The following ADAMTSL1 variants were observed in gnomAD, a reference collection of about 807,000 sequenced individuals.
ADAMTSL1 encodes ADAMTS-like protein 1.
In ADAMTSL1, 126 loss-of-function variants were observed where a neutral mutation model predicts 201.8. The ratio of observed to expected loss-of-function variants is 0.62; its 90% CI spans 0.54 to 0.72. The LOEUF is 0.72. Ranked by LOEUF, ADAMTSL1 falls within the 30% of genes least tolerant of loss-of-function variation. The pLI, the probability that ADAMTSL1 is intolerant of heterozygous loss-of-function variation, is 0.00. For missense variants in ADAMTSL1, 2,679 were observed against 2,277.8 expected (o/e 1.18, Z -3.59); for synonymous variants, 1,121 against 903.4 (o/e 1.24, Z -4.32).
chr9:18,801,182 T>C (rs1405185757), intron 20 of ADAMTSL1, among the ~76,000 whole-genome samples: 1 of 152,196 alleles, frequency 6.6e-6, no homozygotes, highest in Non-Finnish European at 1.5e-5. Flanking sequence ...CCTTCTCATC[T>C]TTTATGCAAG....
intron 3 of ADAMTSL1, among the ~76,000 whole-genome samples, chr9:18,564,244 G>A (rs1221260217): frequency 6.6e-6 from 1 of 152,182 alleles, no homozygotes; most frequent in Non-Finnish European, 1.5e-5. Flanking sequence ...GTGCCTCATG[G>A]CTTCCTTTGG....
chr9:18,667,629 G>T (rs943296394), intron 9 of ADAMTSL1, among the ~76,000 whole-genome samples: 6 of 152,142 alleles, frequency 3.9e-5, no homozygotes, highest in African/African-American at 1.4e-4. Context: ...GCTTAGCAGA[G>T]TACCTGACTC....
chr9:18,354,630 G>C (rs552045505), intron 2 of ADAMTSL1, among the ~76,000 whole-genome samples: 12 of 152,274 alleles, frequency 7.9e-5, no homozygotes, highest in African/African-American at 2.2e-4. Context: ...AGTGGTTAAA[G>C]GTGGGAGAGT....
chr9:17,980,501 G>C (rs1470068580), intron 1 of ADAMTSL1, among the ~76,000 whole-genome samples: 2 of 151,364 alleles, frequency 1.3e-5, no homozygotes, highest in East Asian at 3.9e-4. Flanking sequence ...ACTTCTACTT[G>C]ACTTCTTTTC....
At chr9:18,010,700 A>C (rs1159042664) in intron 1 of ADAMTSL1, among the ~76,000 whole-genome samples, 2 of 152,008 alleles carry the variant, frequency 1.3e-5, no homozygotes, top group African/African-American at 4.8e-5. Context: ...AGCTAAGCCA[A>C]ATAGGACATG....
intron 1 of ADAMTSL1, among the ~76,000 whole-genome samples, chr9:17,953,240 A>G (rs1168972336): frequency 1.3e-5 from 2 of 152,146 alleles, no homozygotes; most frequent in Admixed American, 6.5e-5. Flanking sequence ...CCTTAATTAA[A>G]CAAAAGCATG....
rs866994702 is a variant in ADAMTSL1, at chr9:18,875,879, C to G, written c.4250-11952C>G. On this transcript the variant is annotated intron_variant, in intron 23 of 28. Transcript: ENST00000380548. ...CCACAATTATTATGTTGCCATCTAT[C>G]TCATTACTTAAGTCTGGTAATGATT... 2.6e-5 allele frequency among the ~76,000 whole-genome samples: 4 copies of G among 152,268 alleles called. No individual in the cohort carries two copies. In the Middle Eastern group the frequency reaches 0.014, roughly 518 times the overall value.
intron 2 of ADAMTSL1, among the ~76,000 whole-genome samples, chr9:18,445,943 C>T (rs1005838545): frequency 6.6e-6 from 1 of 151,776 alleles, no homozygotes; most frequent in South Asian, 2.1e-4. Flanking sequence ...TTATAGTTAC[C>T]CTATCATGTA....
rs371992017 is a variant in ADAMTSL1, at chr9:18,563,186, T to C, written c.238-10844T>C. On this transcript the variant is annotated intron_variant, in intron 3 of 28. Coordinates refer to ENST00000380548, the MANE Select transcript of ADAMTSL1 (RefSeq NM_001040272.6). ...TTGGTCTTTGATTTTGGTGACTGAA[T>C]GGGTTTTGTTGTGGACATCCTTTTT... Among the ~76,000 whole-genome samples the C allele has an allele frequency of 6.6e-5, 10 of 152,234 alleles. No individual in the cohort carries two copies. In the South Asian group the frequency reaches 2.1e-3, roughly 32 times the overall value.
chr9:18,001,129 G>C (rs1170865793), intron 1 of ADAMTSL1, among the ~76,000 whole-genome samples: 2 of 151,930 alleles, frequency 1.3e-5, no homozygotes, highest in African/African-American at 2.4e-5. Flanking sequence ...AATATGTCAG[G>C]CAGTCACTAT....
chr9:18,173,701 T>A (rs994314509), intron 2 of ADAMTSL1, among the ~76,000 whole-genome samples: 2 of 152,098 alleles, frequency 1.3e-5, no homozygotes, highest in African/African-American at 4.8e-5. Flanking sequence ...GCAGACAGAT[T>A]TTTAGGCTCA....
rs372249026 is a variant in ADAMTSL1, at chr9:18,777,087, G to A, written c.2858G>A (p.Arg953Gln). The A allele has an allele frequency of 1.6e-4, 260 of 1,613,086 alleles. No individual in the cohort carries two copies. Among genetic ancestry groups the A allele is most frequent in the Admixed American group, 2.2e-4 (13 of 60,008 alleles). Residue 953 changes from arginine (R) to glutamine (Q), a missense_variant, in exon 19 of 29, where the codon CGG becomes CAG. Arg to Gln is a conservative substitution (Grantham distance 43, BLOSUM62 1). Coordinates refer to ENST00000380548, the MANE Select transcript of ADAMTSL1 (RefSeq NM_001040272.6). ...TACACCTGCTCAGCGGGCCCGGCCC[G>A]GGAGCACTTTGTGATTAAGCTCATC... ...GVYTCSAGPA[R>Q]EHFVIKLIGG... is the part of the protein sequence containing the mutation.
chr9:18,265,005 T>C (rs187099212), intron 2 of ADAMTSL1, among the ~76,000 whole-genome samples: 4 of 152,342 alleles, frequency 2.6e-5, no homozygotes, highest in African/African-American at 7.2e-5. Context: ...GTAAAGCACA[T>C]AGCACAGTAC....
At chr9:18,854,428 A>G (rs993944366) in intron 23 of ADAMTSL1, among the ~76,000 whole-genome samples, 1 of 152,214 alleles carries the variant, frequency 6.6e-6, no homozygotes, top group African/African-American at 2.4e-5. Flanking sequence ...TTTCAAAAAT[A>G]TACCATACAG....
At chr9:18,259,923 T>C (rs1338826389) in intron 2 of ADAMTSL1, among the ~76,000 whole-genome samples, 1 of 152,228 alleles carries the variant, frequency 6.6e-6, no homozygotes, top group African/African-American at 2.4e-5. Flanking sequence ...TCATGATCTT[T>C]CTTTGTAACT....
intron 3 of ADAMTSL1, among the ~76,000 whole-genome samples, chr9:18,573,801 T>C (rs1169872529): frequency 6.6e-6 from 1 of 152,220 alleles, no homozygotes; most frequent in Non-Finnish European, 1.5e-5. Flanking sequence ...TATTTTTCCA[T>C]TTAAACTCAA....
At chr9:18,827,391 T>G (rs764958015) in intron 22 of ADAMTSL1, among the ~76,000 whole-genome samples, 2 of 148,566 alleles carry the variant, frequency 1.3e-5, no homozygotes, top group Admixed American at 1.3e-4. Context: ...ACACCGAGAG[T>G]TGAAGATATA....
intron 1 of ADAMTSL1, among the ~76,000 whole-genome samples, chr9:18,102,672 A>C (rs1318119848): frequency 6.6e-6 from 1 of 152,220 alleles, no homozygotes; most frequent in African/African-American, 2.4e-5. Flanking sequence ...GTACCAAGGG[A>C]GAAATCATGG....
chr9:17,978,013 T>A (rs1271684245), intron 1 of ADAMTSL1, among the ~76,000 whole-genome samples: 1 of 152,086 alleles, frequency 6.6e-6, no homozygotes, highest in Non-Finnish European at 1.5e-5. Flanking sequence ...TGATTGTTTC[T>A]ATTCTCTTGA....
Sources: allele counts gnomAD v4.1 joint callset (sites outside exome capture counted in the v4.1 genomes callset), GRCh38; gene constraint gnomAD v4.1.1; transcripts MANE v1.5; gene names NCBI Gene and HGNC (gene_info 2026-07-23, HGNC 2026-07-21).